Variants in ZNF831 observed in about 807,000 individuals in gnomAD.
ZNF831 encodes the protein zinc finger protein 831.
In ZNF831, 59 loss-of-function variants were observed where a neutral mutation model predicts 95.8. The ratio of observed to expected loss-of-function variants is 0.62; its 90% CI spans 0.50 to 0.77. The LOEUF (loss-of-function observed/expected upper bound fraction) is 0.77. ZNF831 is among the 30% of genes least tolerant of loss of function. The pLI is 0.00. For synonymous variants in ZNF831, 961 were observed against 925.5 expected (o/e 1.04, Z -0.70); for missense variants, 2,205 against 2,164.0 (o/e 1.02, Z -0.38).
intron 4 of ZNF831, among the ~76,000 whole-genome samples, chr20:59,235,195 T>G (rs1270840801): frequency 6.6e-6 from 1 of 152,124 alleles, no homozygotes; most frequent in Non-Finnish European, 1.5e-5. Context: ...ACCACAGGGA[T>G]GAAGTGCCAT....
rs1367467281 is a variant in ZNF831, at chr20:59,230,740, G to T, written c.4028-22238G>T. On this transcript the variant is annotated intron_variant, in intron 4 of 5. Transcript: ENST00000371030. Reference sequence around the variant, plus strand: ...AGCAAATTTACCAAGGAGATATGGGGATAGCCAAAGTTTAGGAACTAGGCT... The same window carrying T: ...AGCAAATTTACCAAGGAGATATGGGTATAGCCAAAGTTTAGGAACTAGGCT... Among the ~76,000 whole-genome samples the T allele has an allele frequency of 2.0e-5, 3 of 152,240 alleles. No individual in the cohort carries two copies. The East Asian group carries it at 5.8e-4, about 29-fold the overall frequency.
intron 2 of ZNF831, among the ~76,000 whole-genome samples, chr20:59,150,947 C>T (rs772355206): frequency 6.6e-6 from 1 of 152,182 alleles, no homozygotes; most frequent in Non-Finnish European, 1.5e-5. Context: ...GAGATGGGAA[C>T]GGCTGTGTCA....
intron 2 of ZNF831, among the ~76,000 whole-genome samples, chr20:59,156,795 A>G (rs1233535572): frequency 2.0e-5 from 3 of 152,262 alleles, no homozygotes; most frequent in Admixed American, 2.0e-4. Context: ...TATTTCACTG[A>G]GAATAACGTC....
rs556641884 is a variant in ZNF831, at chr20:59,193,608, G to A, written c.2589G>A (p.Gly863=). The A allele has an allele frequency of 5.0e-6, 8 of 1,612,496 alleles. No individual in the cohort carries two copies. The South Asian group carries it at 6.6e-5, about 13-fold the overall frequency. Residue 863 remains glycine (G), a synonymous_variant, in exon 2 of 6, where the codon GGG becomes GGA. Transcript: ENST00000371030. ...LSSQKQDADP[G]EVPGGSKESA... is the part of the protein sequence containing the mutation. ...CCCAGAAGCAGGATGCCGATCCCGGGGAGGTGCCAGGGGGCTCAAAGGAGA... is the reference window on the plus strand; with the variant it reads ...CCCAGAAGCAGGATGCCGATCCCGGAGAGGTGCCAGGGGGCTCAAAGGAGA...
chr20:59,198,395 A>C (rs575522842), intron 3 of ZNF831, among the ~76,000 whole-genome samples: 84 of 152,380 alleles, frequency 5.5e-4, no homozygotes, highest in African/African-American at 1.9e-3. Context: ...GGCAACAGCC[A>C]GATGGAGATG....
chr20:59,201,055 C>A lies in ZNF831; in HGVS notation c.3875+5050C>A, dbSNP rs569541258. Among the ~76,000 whole-genome samples the A allele has an allele frequency of 7.2e-5, 11 of 152,234 alleles. No homozygotes were observed. In the South Asian group the frequency reaches 2.3e-3, roughly 32 times the overall value. ...GTATTATTAACTTTTAAAGAAGCTG[C>A]CAAATTGTTTTCCAAAGTGGTTGTA... On this transcript the variant is annotated intron_variant, in intron 3 of 5. Coordinates refer to ENST00000371030, the MANE Select transcript of ZNF831 (RefSeq NM_178457.3).
intron 1 of ZNF831, among the ~76,000 whole-genome samples, chr20:59,182,637 G>A (rs1034078724): frequency 6.6e-6 from 1 of 152,202 alleles, no homozygotes; most frequent in Non-Finnish European, 1.5e-5. Context: ...CGTAATTTGT[G>A]TATGAAAATT....
intron 1 of ZNF831, among the ~76,000 whole-genome samples, chr20:59,188,717 A>T (rs997662437): frequency 2.0e-5 from 3 of 152,162 alleles, no homozygotes; most frequent in African/African-American, 7.2e-5. Context: ...GCATTGTAAG[A>T]GTTCTTTGTA....
rs200610922 is a variant in ZNF831, at chr20:59,192,378, C to T, written c.1359C>T (p.His453=). The change falls in exon 2 of 6, where the codon CAC becomes CAT. Residue 453 remains histidine (H), a synonymous_variant. Coordinates refer to ENST00000371030, the MANE Select transcript of ZNF831 (RefSeq NM_178457.3). This position sits in a 1 kb window ranked among gnomAD's most constrained non-coding sequence, Gnocchi z 5.2. ...CCTACACCTACAAGGACTCCTTCCA[C>T]TTTGACATCCGCGCGCTGGAGCCAG... The part of the protein sequence containing the change: ...PTPYTYKDSF[H]FDIRALEPGR... The T allele has an allele frequency of 8.5e-4, 1,366 of 1,612,216 alleles. 3 individuals are homozygous for T. The highest frequency in any genetic ancestry group is 1.0e-3 in the Non-Finnish European group (1,210 of 1,179,568).
At position 59,193,167 on chromosome 20, in the gene ZNF831, G is replaced by A. The variant is rs61743775; in HGVS notation, c.2148G>A (p.Arg716=). The change falls in exon 2 of 6, where the codon AGG becomes AGA. Residue 716 remains arginine (R), a synonymous_variant. Transcript: ENST00000371030. ...EPTKHGETVA[R]RGDSDRPRVE... ...CTAAGCATGGGGAGACGGTGGCCAGGAGAGGAGACAGTGACCGACCCAGGG... is the reference window on the plus strand; with the variant it reads ...CTAAGCATGGGGAGACGGTGGCCAGAAGAGGAGACAGTGACCGACCCAGGG... 41,852 of 1,575,098 alleles carry A rather than the reference G, an allele frequency of 0.027. 655 individuals carry two copies. Among genetic ancestry groups the A allele is most frequent in the Non-Finnish European group, 0.031 (36,284 of 1,159,828 alleles).
chr20:59,150,812 G>A lies in ZNF831; in HGVS notation c.-1281+4438G>A, dbSNP rs913464783. 7.9e-5 allele frequency among the ~76,000 whole-genome samples: 12 copies of A among 152,194 alleles called. No individual in the cohort carries two copies. The East Asian group carries it at 1.2e-3, about 15-fold the overall frequency. On this transcript the variant is annotated intron_variant, in intron 2 of 7. Transcript: ENST00000637017. The stretch of plus-strand genomic sequence containing the variant: ...AGAGGCTCAGGGAGGTTGGTGTGGC[G>A]CACCCGAACGCTCAGTCAGCTCCTG...
At chr20:59,156,900 T>A (rs1980574328) in intron 2 of ZNF831, among the ~76,000 whole-genome samples, 1 of 152,252 alleles carries the variant, frequency 6.6e-6, no homozygotes, top group Non-Finnish European at 1.5e-5. Flanking sequence ...GAAAGAACTT[T>A]AAAACCATTC....
At chr20:59,199,990 G>A (rs1441765126) in intron 3 of ZNF831, among the ~76,000 whole-genome samples, 3 of 152,080 alleles carry the variant, frequency 2.0e-5, no homozygotes, top group African/African-American at 7.2e-5. Flanking sequence ...CACAATTCTA[G>A]GTTGACTGTT....
chr20:59,212,652 A>G (rs1405335897), intron 4 of ZNF831, among the ~76,000 whole-genome samples: 3 of 152,148 alleles, frequency 2.0e-5, no homozygotes. Flanking sequence ...GATTGGTAAG[A>G]AAGTTCTTAG....
At chr20:59,132,440 T>TATTTCACA (rs1979377541) in intron 1 of ZNF831, among the ~76,000 whole-genome samples, 1 of 152,232 alleles carries the variant, frequency 6.6e-6, no homozygotes, top group Middle Eastern at 3.2e-3. Context: ...GAAAGTTTAC[T>TATTTCACA]ATTTCACATG....
In ZNF831 at chr20:59,208,636, G is replaced by C. The variant is rs1173295334; in HGVS notation, c.4027+1580G>C. 6.6e-6 allele frequency among the ~76,000 whole-genome samples: 1 copy of C among 152,212 alleles called. No individual in the cohort carries two copies. The highest frequency in any genetic ancestry group is 2.4e-5 in the African/African-American group (1 of 41,444). ...ACTTCCAGAGGCATGGGAACTCCAA[G>C]TACGAAGTGAGCCTCGGGGGTCATG... On this transcript the variant is annotated intron_variant, in intron 4 of 5. Coordinates refer to ENST00000371030, the MANE Select transcript of ZNF831 (RefSeq NM_178457.3). This position sits in a 1 kb window ranked among gnomAD's most constrained non-coding sequence, Gnocchi z 4.2.
chr20:59,232,139 C>G (rs752205524), intron 4 of ZNF831, among the ~76,000 whole-genome samples: 1 of 152,174 alleles, frequency 6.6e-6, no homozygotes, highest in South Asian at 2.1e-4. Context: ...TGGGTTGGCT[C>G]TCACTTTCCG....
Position 59,258,806 on chromosome 20 carries a change from T to C in ZNF831, c.*4063T>C, listed in dbSNP as rs142118689. Reference sequence around the variant, plus strand: ...TGTGCTGGATTTCTACCCTGTATGATTCTTTTCATCCATGCTTTGCACTTA... The same window carrying C: ...TGTGCTGGATTTCTACCCTGTATGACTCTTTTCATCCATGCTTTGCACTTA... On this transcript the variant is annotated 3_prime_UTR_variant, in exon 6 of 6. Transcript: ENST00000371030. 6.6e-6 allele frequency: 1 copy of C among 152,364 alleles called. No homozygotes were observed. The highest frequency in any genetic ancestry group is 2.4e-5 in the African/African-American group (1 of 41,590). The allele number at this position is 152,364 out of a possible 1,614,324, so 9.4% of individuals were successfully genotyped here.
intron 1 of ZNF831, among the ~76,000 whole-genome samples, chr20:59,129,679 G>A (rs984883698): frequency 6.6e-6 from 1 of 152,158 alleles, no homozygotes; most frequent in Non-Finnish European, 1.5e-5. Context: ...GTTGCTGCCT[G>A]TGTGGCCCCT....
Sources: allele counts gnomAD v4.1 joint callset (sites outside exome capture counted in the v4.1 genomes callset), GRCh38; gene constraint gnomAD v4.1.1; non-coding constraint Gnocchi (gnomAD v3.1); transcripts MANE v1.5; gene names NCBI Gene and HGNC (gene_info 2026-07-23, HGNC 2026-07-21).